Variants in BNC2 observed in about 807,000 individuals in gnomAD.
BNC2 encodes the protein basonuclin zinc finger protein 2.
BNC2 carries 20 observed loss-of-function variants against 76.3 expected under a neutral mutation model. The observed-to-expected ratio is 0.26, with a 90% CI of 0.18 to 0.38. The LOEUF (loss-of-function observed/expected upper bound fraction) is 0.38. BNC2 is among the 10% of genes least tolerant of loss of function. BNC2 has a pLI of 1.00. For missense variants in BNC2, 1,382 were observed against 1,399.8 expected (o/e 0.99, Z 0.20); for synonymous variants, 582 against 514.8 (o/e 1.13, Z -1.77).
chr9:16,662,231 A>G (rs944326376), intron 3 of BNC2, among the ~76,000 whole-genome samples: 3 of 152,248 alleles, frequency 2.0e-5, no homozygotes, highest in Non-Finnish European at 4.4e-5. Context: ...GTGATGCTAC[A>G]TATTTAAAAC....
At chr9:16,797,922 T>C (rs1010806426) in intron 1 of BNC2, among the ~76,000 whole-genome samples, 1 of 151,990 alleles carries the variant, frequency 6.6e-6, no homozygotes, top group South Asian at 2.1e-4. Context: ...AAGGAAGAGA[T>C]CCAAATTCTG....
intron 1 of BNC2, among the ~76,000 whole-genome samples, chr9:16,786,541 C>T (rs1055904271): frequency 2.9e-4 from 44 of 152,190 alleles, no homozygotes; most frequent in African/African-American, 1.1e-3. Flanking sequence ...AACTGTGGCT[C>T]TTCAAAATAA....
intron 5 of BNC2, among the ~76,000 whole-genome samples, chr9:16,492,921 T>C (rs1822308632): frequency 6.6e-6 from 1 of 152,072 alleles, no homozygotes; most frequent in Admixed American, 6.6e-5. Context: ...TTTACAGGCA[T>C]CACTAAGATG....
intron 1 of BNC2, among the ~76,000 whole-genome samples, chr9:16,860,464 G>A (rs1819370886): frequency 6.6e-6 from 1 of 152,050 alleles, no homozygotes; most frequent in Non-Finnish European, 1.5e-5. Context: ...AAATAGTGCT[G>A]GGAACAACAG....
chr9:16,510,461 C>T (rs919762668), intron 5 of BNC2, among the ~76,000 whole-genome samples: 7 of 152,206 alleles, frequency 4.6e-5, no homozygotes, highest in African/African-American at 1.4e-4. Context: ...CCTCCTTTCA[C>T]GTACTCTTTC....
At chr9:16,742,715 A>G (rs1212100451) in intron 1 of BNC2, among the ~76,000 whole-genome samples, 2 of 152,124 alleles carry the variant, frequency 1.3e-5, no homozygotes, top group South Asian at 4.1e-4. Context: ...TAAAACCAAT[A>G]CTAAATACTT....
intron 1 of BNC2, among the ~76,000 whole-genome samples, chr9:16,855,994 G>C (rs935422127): frequency 2.6e-5 from 4 of 152,044 alleles, no homozygotes. Flanking sequence ...CGTACTTCAG[G>C]AATGCAATTT....
chr9:16,861,583 T>C (rs1242172793), intron 1 of BNC2, among the ~76,000 whole-genome samples: 1 of 152,188 alleles, frequency 6.6e-6, no homozygotes, highest in Non-Finnish European at 1.5e-5. Flanking sequence ...TCAACATCAC[T>C]AGCCATCAGG....
chr9:16,552,747 G>A lies in BNC2; in HGVS notation c.452C>T (p.Thr151Met), dbSNP rs752429719. ...WVAHALDKLS[T>M]QHLYHPTQVE... is the part of the protein sequence containing the mutation. The stretch of plus-strand genomic sequence containing the variant: ...TTGGGTGGGGTGGTACAGGTGCTGC[G>A]TGCTGAGCTTATCCAAGGCTGTGGT... The change falls in exon 5 of 7, where the codon ACG becomes ATG. Residue 151 changes from threonine to methionine, a missense_variant. This residue lies in a region of BNC2 where 557 missense variants were observed against 540.9 expected (regional missense o/e 1.03). Transcript: ENST00000380672. 2.6e-5 allele frequency: 42 copies of A among 1,613,992 alleles called. No individual in the cohort carries two copies. The Admixed American group carries it at 5.8e-4, about 22-fold the overall frequency.
intron 1 of BNC2, among the ~76,000 whole-genome samples, chr9:16,751,112 A>T (rs1463073830): frequency 6.6e-6 from 1 of 152,194 alleles, no homozygotes; most frequent in Non-Finnish European, 1.5e-5. Context: ...CCAAATTGGT[A>T]TCATTTAAAA....
At position 16,582,999 on chromosome 9, in the gene BNC2, A is replaced by G. The variant is rs1261993314; in HGVS notation, c.417T>C (p.His139=). 1 of 1,613,840 alleles carries G rather than the reference A, an allele frequency of 6.2e-7. No homozygotes were observed. The highest frequency in any genetic ancestry group is 1.7e-5 in the Admixed American group (1 of 59,982). Reference sequence around the variant, plus strand: ...TTTCCTCACCATGTGCCACCCAGCCATGTTTACACTGATCACAAGTCCTCA... The same window carrying G: ...TTTCCTCACCATGTGCCACCCAGCCGTGTTTACACTGATCACAAGTCCTCA... The part of the protein sequence containing the change: ...INLRTCDQCK[H]GWVAHALDKL... Residue 139 remains histidine, a synonymous_variant, in exon 4 of 7, where the codon CAT becomes CAC. Transcript: ENST00000380672.
chr9:16,498,967 A>G (rs1822459126), intron 5 of BNC2, among the ~76,000 whole-genome samples: 1 of 152,222 alleles, frequency 6.6e-6, no homozygotes, highest in Non-Finnish European at 1.5e-5. Context: ...TACAAATACT[A>G]GACAGATTGA....
At chr9:16,665,386 A>AAAAAGAGAGAGAG (rs1554702315) in intron 3 of BNC2, among the ~76,000 whole-genome samples, 1 of 84,302 alleles carries the variant, frequency 1.2e-5, no homozygotes, top group Non-Finnish European at 2.1e-5. Context: ...AAAAAAAAAA[A>AAAAAGAGAGAGAG]AGAGAGAGAG....
chr9:16,859,156 C>T (rs1218123781), intron 1 of BNC2, among the ~76,000 whole-genome samples: 1 of 143,648 alleles, frequency 7.0e-6, no homozygotes, highest in Non-Finnish European at 1.5e-5. Flanking sequence ...GAGATATCAC[C>T]TCAACCATTT....
chr9:16,727,349 A>G (rs2134982258), intron 3 of BNC2: 1 of 184,562 alleles, frequency 5.4e-6, no homozygotes, highest in Non-Finnish European at 1.1e-5. Flanking sequence ...ACATGAAGTC[A>G]GTAGGGCTGT....
At chr9:16,772,888 A>T (rs1825867069) in intron 1 of BNC2, among the ~76,000 whole-genome samples, 1 of 152,206 alleles carries the variant, frequency 6.6e-6, no homozygotes, top group Non-Finnish European at 1.5e-5. Flanking sequence ...ACACAAGGGA[A>T]ATCTTGTACT....
At chr9:16,486,233 T>A (rs1008966946) in intron 5 of BNC2, among the ~76,000 whole-genome samples, 1 of 152,198 alleles carries the variant, frequency 6.6e-6, no homozygotes, top group African/African-American at 2.4e-5. Flanking sequence ...GTCACTCCTG[T>A]TTCAGCCAGA....
intron 1 of BNC2, among the ~76,000 whole-genome samples, chr9:16,834,018 T>TA (rs1299960680): frequency 6.6e-6 from 1 of 152,148 alleles, no homozygotes; most frequent in African/African-American, 2.4e-5. Context: ...ACAACCTAGT[T>TA]AATTTCTCTG....
chr9:16,548,758 T>G (rs1433168334), intron 5 of BNC2, among the ~76,000 whole-genome samples: 1 of 152,230 alleles, frequency 6.6e-6, no homozygotes, highest in East Asian at 1.9e-4. Context: ...TATTTAGATT[T>G]TATCATCTAA....
Sources: gnomAD v4.1 joint callset for allele counts (sites outside exome capture counted in the v4.1 genomes callset) on GRCh38, gnomAD v4.1.1 for gene constraint, gnomAD v4.1.1 regional missense constraint, MANE v1.5 for transcripts, NCBI Gene and HGNC (gene_info 2026-07-23, HGNC 2026-07-21) for gene names.